Variants in PCDHGA1 observed in about 807,000 individuals in gnomAD.
PCDHGA1 encodes the protein protocadherin gamma-A1.
PCDHGA1 carries 32 observed loss-of-function variants against 58.0 expected under a neutral mutation model. The observed-to-expected ratio is 0.55, with a 90% CI of 0.42 to 0.74. PCDHGA1 has a LOEUF of 0.74. Ranked by LOEUF, PCDHGA1 falls within the 30% of genes least tolerant of loss-of-function variation. The pLI is 0.00. For synonymous variants in PCDHGA1, 498 were observed against 501.1 expected, an observed-to-expected ratio of 0.99 and a Z score of 0.08; for missense variants, 1,205 against 1,182.3, an observed-to-expected ratio of 1.02 and a Z score of -0.28.
intron 1 of PCDHGA1, chr5:141,388,158 A>T (rs763395906): frequency 3.4e-5 from 50 of 1,469,960 alleles, no homozygotes; most frequent in Non-Finnish European, 4.7e-5. Flanking sequence ...CAGGCTAGAC[A>T]GGGAGGAGAT....
intron 1 of PCDHGA1, among the ~76,000 whole-genome samples, chr5:141,435,395 C>T (rs946113643): frequency 5.3e-5 from 8 of 152,198 alleles, no homozygotes; most frequent in East Asian, 3.9e-4. Context: ...ATTGCCATGA[C>T]GAAAAATGGT....
intron 1 of PCDHGA1, among the ~76,000 whole-genome samples, chr5:141,369,528 C>T (rs952225187): frequency 6.6e-6 from 1 of 152,120 alleles, no homozygotes; most frequent in Non-Finnish European, 1.5e-5. Context: ...TTCAATCATA[C>T]TTATTTAATT....
At chr5:141,413,364 G>A (rs759265336) in intron 1 of PCDHGA1, 14 of 1,613,870 alleles carry the variant, frequency 8.7e-6, no homozygotes, top group African/African-American at 5.3e-5. Flanking sequence ...CCCGGGAGCT[G>A]GCGGAGCGCG....
chr5:141,492,787 G>A (rs1308203463), intron 1 of PCDHGA1, among the ~76,000 whole-genome samples: 2 of 152,254 alleles, frequency 1.3e-5, no homozygotes, highest in Admixed American at 6.5e-5. Context: ...AGCCTCTATA[G>A]GACAGCAGGA....
chr5:141,385,024 C>T lies in PCDHGA1; in HGVS notation c.2421+51919C>T, dbSNP rs756021455. 5.6e-6 allele frequency: 9 copies of T among 1,614,158 alleles called. No individual in the cohort carries two copies. In the East Asian group the frequency reaches 1.1e-4, roughly 20 times the overall value. ...CTCCTGCGTCTTCCTAGCCTTCGTC[C>T]TCGTACTGCTGGCGCTCAGGCTGCG... On this transcript the variant is annotated intron_variant, in intron 1 of 3. Coordinates refer to ENST00000517417, the MANE Select transcript of PCDHGA1 (RefSeq NM_018912.3).
intron 3 of PCDHGA1, among the ~76,000 whole-genome samples, 188 bp from the exon 4 acceptor site, chr5:141,510,759 G>A (rs1026623444): frequency 6.6e-5 from 10 of 152,172 alleles, no homozygotes; most frequent in African/African-American, 2.4e-4. Context: ...TCTCACTCCA[G>A]AGCCTCTTAA....
chr5:141,357,739 C>A (rs1760721211), intron 1 of PCDHGA1: 1 of 1,286,180 alleles, frequency 7.8e-7, no homozygotes, highest in Non-Finnish European at 1.1e-6. Context: ...TATTTTATTG[C>A]TTTAAAGAAA....
chr5:141,475,644 A>C (rs1021491842), intron 1 of PCDHGA1, among the ~76,000 whole-genome samples: 2 of 152,238 alleles, frequency 1.3e-5, no homozygotes, highest in Non-Finnish European at 2.9e-5. Context: ...TCTTGTGATC[A>C]AAGAAAGTGA....
chr5:141,489,625 A>G lies in PCDHGA1; in HGVS notation c.2422-5182A>G. ...GGTAGAGATCCTGGATCTCAATGAC[A>G]ACTCTCCTAGCTTTGCCACCCCTGA... On this transcript the variant is annotated intron_variant, in intron 1 of 3. Transcript: ENST00000517417. The surrounding 1 kb of genome is among the most constrained non-coding windows in gnomAD (Gnocchi z 4.5). 6.2e-7 allele frequency: 1 copy of G among 1,614,076 alleles called. No homozygotes were observed. The highest frequency in any genetic ancestry group is 8.5e-7 in the Non-Finnish European group (1 of 1,180,006).
intron 1 of PCDHGA1, chr5:141,357,273 C>T (rs111314276): frequency 6.2e-7 from 1 of 1,613,852 alleles, no homozygotes. Context: ...GCCTCACACT[C>T]TATCTCGTGG....
chr5:141,501,666 T>C (rs2099810374), intron 2 of PCDHGA1, among the ~76,000 whole-genome samples: 1 of 152,142 alleles, frequency 6.6e-6, no homozygotes. Context: ...TTGGAAAATA[T>C]AGATAATCAC....
At chr5:141,409,708 G>C (rs2095304272) in intron 1 of PCDHGA1, 5 of 1,613,088 alleles carry the variant, frequency 3.1e-6, no homozygotes, top group Non-Finnish European at 1.7e-6. Context: ...TGGCGGTGTC[G>C]TCATACGTGT....
chr5:141,340,951 C>T lies in PCDHGA1; in HGVS notation c.2421+7846C>T, dbSNP rs761327708. On this transcript the variant is annotated intron_variant, in intron 1 of 3. Coordinates refer to ENST00000517417, the MANE Select transcript of PCDHGA1 (RefSeq NM_018912.3). ...CCCCTCTCTCCGCCACTGTCACGCT[C>T]ACCGTGGCCGTGGCCGACAGGATCC... The T allele has an allele frequency of 5.6e-6, 9 of 1,613,882 alleles. No homozygotes were observed. The South Asian group carries it at 7.7e-5, about 14-fold the overall frequency.
chr5:141,415,536 G>A (rs1561758201), intron 1 of PCDHGA1: 1 of 1,614,150 alleles, frequency 6.2e-7, no homozygotes, highest in Non-Finnish European at 8.5e-7. Flanking sequence ...TCAGCCAGGA[G>A]AGCTGTGAGA....
intron 2 of PCDHGA1, among the ~76,000 whole-genome samples, chr5:141,504,280 C>T (rs1027657223): frequency 6.6e-6 from 1 of 152,076 alleles, no homozygotes; most frequent in Admixed American, 6.6e-5. Context: ...AATTATGAAT[C>T]ATTTCATGTT....
At chr5:141,472,113 A>C (rs1296591849) in intron 1 of PCDHGA1, among the ~76,000 whole-genome samples, 1 of 152,260 alleles carries the variant, frequency 6.6e-6, no homozygotes, top group Non-Finnish European at 1.5e-5. Context: ...ATACATAAAG[A>C]AAATAAAAGA....
intron 1 of PCDHGA1, chr5:141,372,605 T>A: frequency 6.2e-7 from 1 of 1,614,050 alleles, no homozygotes; most frequent in Non-Finnish European, 8.5e-7. Context: ...AGACTGTACC[T>A]GGAGTTCTCC....
chr5:141,382,075 C>T (rs1474505918), intron 1 of PCDHGA1, among the ~76,000 whole-genome samples: 3 of 151,956 alleles, frequency 2.0e-5, no homozygotes, highest in Non-Finnish European at 4.4e-5. Flanking sequence ...GTGATCCGCC[C>T]GCCTCGGCCT....
At chr5:141,385,088 G>A in intron 1 of PCDHGA1, 2 of 1,614,226 alleles carry the variant, frequency 1.2e-6, no homozygotes, top group Non-Finnish European at 1.7e-6. Flanking sequence ...GCTTCAGAAG[G>A]TGGCTTGGCG....
Sources: allele counts gnomAD v4.1 joint callset (sites outside exome capture counted in the v4.1 genomes callset), GRCh38; gene constraint gnomAD v4.1.1; non-coding constraint Gnocchi (gnomAD v3.1); transcripts MANE v1.5; gene names NCBI Gene and HGNC (gene_info 2026-07-23, HGNC 2026-07-21).